The following RIT2 variants were observed in gnomAD, a reference collection of about 807,000 sequenced individuals.
The protein encoded by RIT2 is Ras like without CAAX 2.
A neutral mutation model predicts 23.7 loss-of-function variants in RIT2; 24 were observed. The ratio of observed to expected loss-of-function variants is 1.01; its 90% CI spans 0.73 to 1.43. The LOEUF (loss-of-function observed/expected upper bound fraction) is 1.43. Among genes scored for constraint, RIT2 ranks in the 40% most tolerant of loss-of-function variants. The pLI is 0.00. For synonymous variants in RIT2, 107 were observed against 91.1 expected (o/e 1.17, Z -0.99); for missense variants, 236 against 266.9 (o/e 0.88, Z 0.81).
chr18:43,037,757 A>G (rs1359320576), intron 1 of RIT2, among the ~76,000 whole-genome samples: 1 of 152,104 alleles, frequency 6.6e-6, no homozygotes, highest in East Asian at 1.9e-4. Flanking sequence ...CTATTTTTCT[A>G]TAGCCTTGAT....
chr18:42,869,782 T>C (rs1907574625), intron 4 of RIT2, among the ~76,000 whole-genome samples: 1 of 152,134 alleles, frequency 6.6e-6, no homozygotes, highest in African/African-American at 2.4e-5. Context: ...AACAACAGAA[T>C]CATGTAAATA....
intron 2 of RIT2, among the ~76,000 whole-genome samples, chr18:43,018,943 T>A (rs1911535470): frequency 6.6e-6 from 1 of 151,492 alleles, no homozygotes; most frequent in South Asian, 2.1e-4. Flanking sequence ...CAAGCTACAA[T>A]AATAAATGAG....
intron 4 of RIT2, among the ~76,000 whole-genome samples, chr18:42,797,775 A>G (rs551337013): frequency 2.6e-5 from 4 of 152,326 alleles, no homozygotes; most frequent in Non-Finnish European, 5.9e-5. Context: ...AAAACAACAT[A>G]TAGGTCACTA....
rs397966126 is a variant in RIT2, at chr18:42,880,804, CTTTTTTT to C, written c.426+42761_426+42767del. Reference sequence around the variant, plus strand: ...AACAGAATTCTTCCTCTTCCTACCTCTTTTTTTTTTTTTTTTTTTTGAGACAGAATTT... The same window carrying C: ...AACAGAATTCTTCCTCTTCCTACCTCTTTTTTTTTTTTTGAGACAGAATTT... On this transcript the variant is annotated intron_variant, in intron 4 of 4. Coordinates refer to ENST00000326695, the MANE Select transcript of RIT2 (RefSeq NM_002930.4). Among the ~76,000 whole-genome samples the C allele has an allele frequency of 3.5e-5, 4 of 115,570 alleles. No homozygotes were observed. The South Asian group carries it at 1.2e-3, about 36-fold the overall frequency. 75.8% of individuals were successfully genotyped at this position (115,570 alleles called of 152,430 possible).
intron 4 of RIT2, among the ~76,000 whole-genome samples, chr18:42,847,522 TGTAG>T (rs1305597394): frequency 6.6e-6 from 1 of 152,086 alleles, no homozygotes; most frequent in Admixed American, 6.6e-5. Context: ...CTAAAAAAAT[TGTAG>T]GTAGTGCATT....
chr18:42,895,542 A>C (rs1169471195), intron 4 of RIT2, among the ~76,000 whole-genome samples: 5 of 152,228 alleles, frequency 3.3e-5, no homozygotes, highest in African/African-American at 4.8e-5. Flanking sequence ...ACAGACTTCA[A>C]CATTAAAGTT....
rs1326793258 is a variant in RIT2 at position 42,923,674 on chromosome 18, C to T, written c.324G>A (p.Gln108=). ...CYSVTDRQSF[Q]EAAKFKELIF... ...TGAGCTCTTTAAACTTGGCAGCCTCCTGAAATGATTGACGGTCAGTGACGG... is the reference window on the plus strand; with the variant it reads ...TGAGCTCTTTAAACTTGGCAGCCTCTTGAAATGATTGACGGTCAGTGACGG... Residue 108 remains glutamine (Q), a synonymous_variant, in exon 4 of 5, where the codon CAG becomes CAA. Coordinates refer to ENST00000326695, the MANE Select transcript of RIT2 (RefSeq NM_002930.4). 1 of 1,613,132 alleles carries T rather than the reference C, an allele frequency of 6.2e-7. No homozygotes were observed. The highest frequency in any genetic ancestry group is 1.3e-5 in the African/African-American group (1 of 74,708).
intron 4 of RIT2, among the ~76,000 whole-genome samples, chr18:42,795,605 T>A (rs1024474944): frequency 2.0e-5 from 3 of 152,202 alleles, no homozygotes; most frequent in African/African-American, 7.2e-5. Flanking sequence ...ACCTAAGGGC[T>A]GAGAACTGCG....
intron 4 of RIT2, among the ~76,000 whole-genome samples, chr18:42,922,655 G>A (rs1416551892): frequency 6.6e-6 from 1 of 152,064 alleles, no homozygotes; most frequent in Non-Finnish European, 1.5e-5. Flanking sequence ...TCATAGTTCG[G>A]CCATCTGTTA....
chr18:43,024,525 CT>C (rs1911665653), intron 2 of RIT2, among the ~76,000 whole-genome samples: 1 of 151,830 alleles, frequency 6.6e-6, no homozygotes. Context: ...TGACTGAGAC[CT>C]CAAAAACAAA....
rs534088309 is a variant in RIT2 at position 42,970,279 on chromosome 18, C to G, written c.234+3795G>C. Among the ~76,000 whole-genome samples, 10 of 151,894 alleles carry G rather than the reference C, an allele frequency of 6.6e-5. No individual in the cohort carries two copies. The East Asian group carries it at 1.9e-3, about 29-fold the overall frequency. ...ACTCTTTCTAATAAGTAAAGTTTTC[C>G]AAAGCTGTGCTTGTTTCCTAAAACA... On this transcript the variant is annotated intron_variant, in intron 3 of 4. Coordinates refer to ENST00000326695, the MANE Select transcript of RIT2 (RefSeq NM_002930.4).
chr18:43,082,362 T>C (rs1278781436), intron 1 of RIT2, among the ~76,000 whole-genome samples: 2 of 152,124 alleles, frequency 1.3e-5, no homozygotes, highest in Admixed American at 1.3e-4. Context: ...GAGGGACTCC[T>C]CCCTAAGTCA....
At chr18:42,912,591 AC>A in intron 4 of RIT2, among the ~76,000 whole-genome samples, 1 of 152,126 alleles carries the variant, frequency 6.6e-6, no homozygotes, top group South Asian at 2.1e-4. Flanking sequence ...AAAAAATACT[AC>A]ATGAATACAC....
At chr18:43,108,174 C>CAAA (rs35014387) in intron 1 of RIT2, among the ~76,000 whole-genome samples, 1 of 136,470 alleles carries the variant, frequency 7.3e-6, no homozygotes. Flanking sequence ...GACTCCATCT[C>CAAA]AAAAAAAAAA....
chr18:42,915,587 A>G (rs1908886474), intron 4 of RIT2, among the ~76,000 whole-genome samples: 1 of 152,030 alleles, frequency 6.6e-6, no homozygotes, highest in Non-Finnish European at 1.5e-5. Flanking sequence ...GTGTAAGACA[A>G]TTTAAATAAA....
chr18:42,880,071 T>A (rs1907846917), intron 4 of RIT2, among the ~76,000 whole-genome samples: 1 of 152,184 alleles, frequency 6.6e-6, no homozygotes, highest in Non-Finnish European at 1.5e-5. Context: ...CCTTAAGGGA[T>A]CTGGTGTCCC....
intron 4 of RIT2, among the ~76,000 whole-genome samples, chr18:42,810,216 C>T (rs1021371139): frequency 6.6e-6 from 1 of 151,036 alleles, no homozygotes; most frequent in Non-Finnish European, 1.5e-5. Flanking sequence ...TGTTTTGGGG[C>T]TGTATTAATA....
chr18:42,779,924 T>C (rs1192532520), intron 4 of RIT2, among the ~76,000 whole-genome samples: 6 of 152,056 alleles, frequency 3.9e-5, no homozygotes, highest in Non-Finnish European at 8.8e-5. Context: ...GAGAGAATAG[T>C]CAATTTTGCT....
At chr18:43,019,193 T>C (rs955749193) in intron 2 of RIT2, among the ~76,000 whole-genome samples, 33 of 151,294 alleles carry the variant, frequency 2.2e-4, no homozygotes, top group Non-Finnish European at 5.9e-5. Flanking sequence ...AATAAAGGGA[T>C]AGAAAAAAAT....
Sources: allele counts gnomAD v4.1 joint callset (sites outside exome capture counted in the v4.1 genomes callset), GRCh38; gene constraint gnomAD v4.1.1; transcripts MANE v1.5; gene names NCBI Gene and HGNC (gene_info 2026-07-23, HGNC 2026-07-21).